IL6ST: variants seen among roughly 807,000 people sequenced by gnomAD.
The protein encoded by IL6ST is interleukin 6 cytokine family signal transducer.
IL6ST carries 24 observed loss-of-function variants against 91.3 expected under a neutral mutation model. The observed-to-expected ratio is 0.26, with a 90% CI of 0.19 to 0.37. The LOEUF is 0.37. Among genes scored for constraint, IL6ST ranks in the 10% least tolerant of loss-of-function variants. The probability of loss-of-function intolerance (pLI) is 1.00; values close to 1 mark genes in which losing one functional copy is unlikely to be tolerated. For synonymous variants in IL6ST, 351 were observed against 373.6 expected (o/e 0.94, Z 0.70); for missense variants, 914 against 1,078.5 (o/e 0.85, Z 2.14).
intron 4 of IL6ST, among the ~76,000 whole-genome samples, chr5:55,968,811 A>C (rs1752785772): frequency 6.6e-6 from 1 of 152,240 alleles, no homozygotes; most frequent in Non-Finnish European, 1.5e-5. Context: ...ACTCGTTGGA[A>C]GAAAAGCAAA....
At chr5:55,988,720 G>A (rs1339218010) in intron 1 of IL6ST, among the ~76,000 whole-genome samples, 3 of 148,208 alleles carry the variant, frequency 2.0e-5, no homozygotes, top group South Asian at 2.1e-4. Flanking sequence ...GAGCCGGGAT[G>A]TCGCCACTGC....
intron 2 of IL6ST, among the ~76,000 whole-genome samples, chr5:55,976,684 G>A (rs1027422516): frequency 1.3e-5 from 2 of 152,052 alleles, no homozygotes; most frequent in Non-Finnish European, 2.9e-5. Context: ...TCATAGCATG[G>A]CCAAAAATTT....
chr5:55,950,095 T>A, intron 14 of IL6ST: 1 of 418,668 alleles, frequency 2.4e-6, no homozygotes, highest in African/African-American at 2.0e-5. Flanking sequence ...ACACTCAGCT[T>A]ATGTGAGAGA....
intron 8 of IL6ST, among the ~76,000 whole-genome samples, chr5:55,958,787 C>T (rs894607382): frequency 1.4e-5 from 2 of 146,528 alleles, no homozygotes; most frequent in African/African-American, 2.5e-5. Context: ...TGCAGCGAGC[C>T]GTGTTCATGC....
intron 15 of IL6ST, among the ~76,000 whole-genome samples, chr5:55,943,549 A>T (rs544036292): frequency 1.3e-4 from 20 of 152,352 alleles, no homozygotes; most frequent in African/African-American, 4.8e-4. Flanking sequence ...AGATGCAAAC[A>T]GTATTAAACT....
intron 1 of IL6ST, among the ~76,000 whole-genome samples, chr5:55,991,804 CTA>C (rs2111956096): frequency 6.6e-6 from 1 of 151,642 alleles, no homozygotes; most frequent in Admixed American, 6.6e-5. Context: ...TACTATACTT[CTA>C]GAGAGAACTG....
Position 55,946,868 on chromosome 5 carries a change from T to C in IL6ST, c.1937+625A>G, listed in dbSNP as rs909867658. Among the ~76,000 whole-genome samples, 3 of 150,830 alleles carry C rather than the reference T, an allele frequency of 2.0e-5. 1 individual carries two copies. In the South Asian group the frequency reaches 6.3e-4, roughly 32 times the overall value. ...CAACATCATGGATGAATCTCAAAAA[T>C]ATTATGTAAAAGACATACGCAAAAG... On this transcript the variant is annotated intron_variant, in intron 15 of 16. Coordinates refer to ENST00000381298, the MANE Select transcript of IL6ST (RefSeq NM_002184.4).
At chr5:55,944,490 T>TA (rs1442670254) in intron 15 of IL6ST, among the ~76,000 whole-genome samples, 1 of 152,238 alleles carries the variant, frequency 6.6e-6, no homozygotes. Context: ...CAAAAAAAGT[T>TA]ATGCAAGGCC....
At position 55,939,105 on chromosome 5, in the gene IL6ST, A is replaced by C. The variant is rs1316964005; in HGVS notation, c.*1977T>G. 4 of 206,984 alleles carry C rather than the reference A, an allele frequency of 1.9e-5. No individual in the cohort carries two copies. The highest frequency in any genetic ancestry group is 3.9e-5 in the Non-Finnish European group (4 of 101,378). 12.8% of individuals were successfully genotyped at this position (206,984 alleles called of 1,614,324 possible). A position where few individuals can be genotyped will look rare whatever the true frequency, so the allele number is the denominator to read the frequency against. On this transcript the variant is annotated 3_prime_UTR_variant, in exon 17 of 17. Transcript: ENST00000381298. ...AGCTAAATATTAGTCATGTGACTTA[A>C]ATTTTGAGAAAATGGAAAATGTAAT...
chr5:55,966,278 T>C (rs998747193), intron 5 of IL6ST, among the ~76,000 whole-genome samples: 1 of 152,242 alleles, frequency 6.6e-6, no homozygotes, highest in Non-Finnish European at 1.5e-5. Flanking sequence ...TAATCCCATT[T>C]ATATGAGACA....
intron 1 of IL6ST, among the ~76,000 whole-genome samples, chr5:55,987,075 G>C (rs535379133): frequency 7.2e-5 from 11 of 152,210 alleles, no homozygotes; most frequent in Non-Finnish European, 1.5e-4. Flanking sequence ...TGAGGTGAGA[G>C]GACTGCTTGA....
chr5:55,968,438 C>A, intron 4 of IL6ST, 42 bp from the exon 5 acceptor site: 1 of 1,582,798 alleles, frequency 6.3e-7, no homozygotes, highest in Non-Finnish European at 8.6e-7. Flanking sequence ...GCTTTATATC[C>A]ACAAATATTA....
intron 3 of IL6ST, among the ~76,000 whole-genome samples, chr5:55,972,742 C>T (rs527892642): frequency 4.0e-4 from 61 of 152,072 alleles, no homozygotes; most frequent in Non-Finnish European, 7.8e-4. Context: ...CAGTGACTCA[C>T]GTCTGTAATC....
Position 55,972,206 on chromosome 5 carries a change from G to C in IL6ST, c.65-2351C>G, listed in dbSNP as rs567337092. 3.0e-4 allele frequency among the ~76,000 whole-genome samples: 46 copies of C among 152,210 alleles called. No homozygotes were observed. The South Asian group carries it at 9.1e-3, about 30-fold the overall frequency. ...AATAATTTTTAATCACACAGAATAA[G>C]AGAAATATTAAAAATGGGCAAATGG... is the stretch of plus-strand genomic sequence containing the variant. On this transcript the variant is annotated intron_variant, in intron 3 of 16. Coordinates refer to ENST00000381298, the MANE Select transcript of IL6ST (RefSeq NM_002184.4).
chr5:55,936,081 A>G lies in IL6ST; in HGVS notation c.*5001T>C, dbSNP rs964262208. 4 of 228,172 alleles carry G rather than the reference A, an allele frequency of 1.8e-5. No homozygotes were observed. The highest frequency in any genetic ancestry group is 8.9e-5 in the African/African-American group (4 of 45,052). 14.1% of individuals were successfully genotyped at this position (228,172 alleles called of 1,614,324 possible). A position where few individuals can be genotyped will look rare whatever the true frequency, so the allele number is the denominator to read the frequency against. On this transcript the variant is annotated 3_prime_UTR_variant, in exon 17 of 17. Coordinates refer to ENST00000381298, the MANE Select transcript of IL6ST (RefSeq NM_002184.4). ...TGGCTTGTGGGTTTTTTGACTCACT[A>G]CATTTTTTTAGACAAAATCACAATG...
At position 55,938,447 on chromosome 5, in the gene IL6ST, CTG is replaced by C. The variant is rs1750673604; in HGVS notation, c.*2633_*2634del. 2 of 193,858 alleles carry C rather than the reference CTG, an allele frequency of 1.0e-5. No homozygotes were observed. Among genetic ancestry groups the C allele is most frequent in the Admixed American group, 1.2e-4 (2 of 16,398 alleles). 12.0% of individuals were successfully genotyped at this position (193,858 alleles called of 1,614,324 possible). A position where few individuals can be genotyped will look rare whatever the true frequency, so the allele number is the denominator to read the frequency against. On this transcript the variant is annotated 3_prime_UTR_variant, in exon 17 of 17. Coordinates refer to ENST00000381298, the MANE Select transcript of IL6ST (RefSeq NM_002184.4). ...GGTAGGATACCACAGACATCAGTAA[CTG>C]ACAAGTTATAATATCAACACATGTA...
At position 55,940,604 on chromosome 5, in the gene IL6ST, T is replaced by C. The variant is rs540426062; in HGVS notation, c.*478A>G. The C allele has an allele frequency of 9.3e-6, 2 of 216,012 alleles. No homozygotes were observed. The highest frequency in any genetic ancestry group is 1.9e-5 in the Non-Finnish European group (2 of 107,284). 13.4% of individuals were successfully genotyped at this position (216,012 alleles called of 1,614,324 possible). On this transcript the variant is annotated 3_prime_UTR_variant, in exon 17 of 17. Transcript: ENST00000381298. ...GCTGGGCTCATGTAGTTATGGCCTA[T>C]GGACCTCTTTTTAAGTTATTTTAGC... is the stretch of plus-strand genomic sequence containing the variant.
At chr5:55,988,921 A>G (rs1316358591) in intron 1 of IL6ST, among the ~76,000 whole-genome samples, 4 of 151,714 alleles carry the variant, frequency 2.6e-5, no homozygotes, top group African/African-American at 4.8e-5. Context: ...GACCAGCCTA[A>G]GCAACATGGC....
intron 3 of IL6ST, among the ~76,000 whole-genome samples, chr5:55,971,747 T>C (rs566114449): frequency 9.9e-5 from 15 of 152,192 alleles, no homozygotes; most frequent in African/African-American, 2.4e-4. Flanking sequence ...GGCAGGAGGA[T>C]TGCTTGAGCC....
Sources: allele counts gnomAD v4.1 joint callset (sites outside exome capture counted in the v4.1 genomes callset), GRCh38; gene constraint gnomAD v4.1.1; transcripts MANE v1.5; gene names NCBI Gene and HGNC (gene_info 2026-07-23, HGNC 2026-07-21).